The following SHTN1 variants were observed in gnomAD, a reference collection of about 807,000 sequenced individuals.
The protein encoded by SHTN1 is shootin 1.
A neutral mutation model predicts 83.1 loss-of-function variants in SHTN1; 42 were observed. The observed-to-expected ratio is 0.51, with a 90% CI of 0.39 to 0.65. The LOEUF (loss-of-function observed/expected upper bound fraction) is 0.65, where lower values mean the gene tolerates loss of function less well. Ranked by LOEUF, SHTN1 falls within the 30% of genes least tolerant of loss-of-function variation. The probability of loss-of-function intolerance (pLI) is 0.00; values close to 1 mark genes in which losing one functional copy is unlikely to be tolerated. For synonymous variants in SHTN1, 224 were observed against 247.7 expected (o/e 0.90, Z 0.90); for missense variants, 622 against 737.8 (o/e 0.84, Z 1.82).
At chr10:116,906,485 T>C in intron 15 of SHTN1, 142 bp downstream of exon 15, 7 of 730,028 alleles carry the variant, frequency 9.6e-6, no homozygotes, top group Non-Finnish European at 6.2e-6. Flanking sequence ...TAAATATCTT[T>C]ACCCATCCCA....
Position 117,029,278 on chromosome 10 carries a change from G to T in SHTN1, c.-123+19167C>A, listed in dbSNP as rs1852372673. The stretch of plus-strand genomic sequence containing the variant: ...TTTACCTAATGTTTATACCTCCATT[G>T]TATCTTGGAAGAAACTAACTTGTTT... On this transcript the variant is annotated intron_variant, in intron 2 of 17. Coordinates refer to the SHTN1 transcript ENST00000392901. Among the ~76,000 whole-genome samples, 5 of 152,186 alleles carry T rather than the reference G, an allele frequency of 3.3e-5. 1 individual carries two copies. Among genetic ancestry groups the T allele is most frequent in the Admixed American group, 2.6e-4 (4 of 15,284 alleles).
rs1295354168 is a variant in SHTN1 at position 117,081,177 on chromosome 10, T to C, written c.-188-32667A>G. Among the ~76,000 whole-genome samples the C allele has an allele frequency of 4.0e-5, 6 of 149,730 alleles. No individual in the cohort carries two copies. The East Asian group carries it at 1.0e-3, about 25-fold the overall frequency. ...TATGATATTGGCTGTGGGTTTGTCATAGATAGCTCTTATTATTTTGAAATA... is the reference window on the plus strand; with the variant it reads ...TATGATATTGGCTGTGGGTTTGTCACAGATAGCTCTTATTATTTTGAAATA... On this transcript the variant is annotated intron_variant, in intron 1 of 17. Transcript: ENST00000392901.
chr10:117,003,616 T>A (rs1851898370), intron 1 of SHTN1, among the ~76,000 whole-genome samples: 1 of 151,884 alleles, frequency 6.6e-6, no homozygotes, highest in Non-Finnish European at 1.5e-5. Flanking sequence ...GGACAGGACC[T>A]CAGAAAGTCC....
chr10:116,938,885 G>T (rs1169013059), intron 9 of SHTN1, among the ~76,000 whole-genome samples: 1 of 152,224 alleles, frequency 6.6e-6, no homozygotes, highest in Non-Finnish European at 1.5e-5. Flanking sequence ...AATCTAGAGA[G>T]GCAGTCTAGC....
chr10:116,953,930 A>G, intron 5 of SHTN1, 112 bp downstream of exon 5: 2 of 906,570 alleles, frequency 2.2e-6, no homozygotes, highest in African/African-American at 1.7e-5. Flanking sequence ...CGCCCTGCCT[A>G]GGCATCAGTA....
intron 1 of SHTN1, among the ~76,000 whole-genome samples, chr10:117,071,917 G>A (rs544196789): frequency 1.1e-4 from 16 of 152,164 alleles, no homozygotes; most frequent in Non-Finnish European, 2.1e-4. Flanking sequence ...TCAAATTCCT[G>A]TGGTTTTCTT....
intron 8 of SHTN1, among the ~76,000 whole-genome samples, chr10:116,942,364 C>T (rs572556523): frequency 1.4e-4 from 22 of 152,160 alleles, no homozygotes; most frequent in African/African-American, 5.1e-4. Flanking sequence ...AGGTGCCTGC[C>T]ACCATGCCTG....
intron 2 of SHTN1, among the ~76,000 whole-genome samples, chr10:117,043,367 T>C (rs965034305): frequency 1.3e-5 from 2 of 152,088 alleles, no homozygotes; most frequent in African/African-American, 4.8e-5. Flanking sequence ...TATTGTTTAA[T>C]GGGTACAGAT....
chr10:117,017,557 T>C (rs1465052890), intron 2 of SHTN1, among the ~76,000 whole-genome samples: 9 of 150,182 alleles, frequency 6.0e-5, no homozygotes, highest in Non-Finnish European at 1.2e-4. Context: ...ATTAGATAAA[T>C]ATCCATGAGT....
intron 1 of SHTN1, among the ~76,000 whole-genome samples, chr10:117,113,522 A>T (rs1441074628): frequency 6.6e-6 from 1 of 152,080 alleles, no homozygotes; most frequent in Non-Finnish European, 1.5e-5. Context: ...TCAGGATCCA[A>T]AAGGGCTTGC....
intron 1 of SHTN1, among the ~76,000 whole-genome samples, chr10:117,101,559 A>C (rs1297687291): frequency 6.6e-6 from 1 of 152,216 alleles, no homozygotes; most frequent in African/African-American, 2.4e-5. Context: ...ACGAATTCTC[A>C]AGTGAAAGAA....
intron 1 of SHTN1, among the ~76,000 whole-genome samples, chr10:117,085,315 C>G (rs1328393998): frequency 6.6e-6 from 1 of 152,092 alleles, no homozygotes; most frequent in Non-Finnish European, 1.5e-5. Flanking sequence ...TTTTACTGGT[C>G]CCACAAATTT....
Position 117,087,549 on chromosome 10 carries a change from G to A in SHTN1, c.-189+38758C>T, listed in dbSNP as rs573868120. On this transcript the variant is annotated intron_variant, in intron 1 of 17. Transcript: ENST00000392901. ...TTATACACATACAAAAAGGAAAAGT[G>A]GATCTCTATTTCATATCATACATAG... 2.0e-5 allele frequency among the ~76,000 whole-genome samples: 3 copies of A among 152,116 alleles called. No homozygotes were observed. In the South Asian group the frequency reaches 6.2e-4, roughly 32 times the overall value.
chr10:117,026,428 T>C (rs970041542), intron 2 of SHTN1, among the ~76,000 whole-genome samples: 3 of 151,230 alleles, frequency 2.0e-5, no homozygotes, highest in Admixed American at 6.6e-5. Flanking sequence ...GACTTCTTTT[T>C]TTTTTTTTTT....
rs919687740 is a variant in SHTN1, at chr10:116,945,461, T to C, written c.617-443A>G. 3.3e-5 allele frequency among the ~76,000 whole-genome samples: 5 copies of C among 152,162 alleles called. No homozygotes were observed. The East Asian group carries it at 9.6e-4, about 29-fold the overall frequency. On this transcript the variant is annotated intron_variant, in intron 7 of 16. Coordinates refer to ENST00000355371, the MANE Select transcript of SHTN1 (RefSeq NM_001127211.3). ...TCTGTGATGTATTTTTAAAAATAGA[T>C]TGCAAAAATTAGTGCAAAGTGAATT...
chr10:116,935,316 C>A (rs1291991783), intron 9 of SHTN1, among the ~76,000 whole-genome samples: 1 of 152,036 alleles, frequency 6.6e-6, no homozygotes, highest in Non-Finnish European at 1.5e-5. Flanking sequence ...ATAAATAGCT[C>A]TTATTATTTT....
chr10:116,951,977 C>G lies in SHTN1; in HGVS notation c.466G>C (p.Glu156Gln). Residue 156 changes from glutamate to glutamine, a missense_variant, in exon 6 of 17, where the codon GAG becomes CAG. Physicochemically the swap from Glu to Gln is conservative, Grantham distance 29. Around this residue, in one of 3 missense-constraint regions of SHTN1, gnomAD observed 383 missense variants for 455.8 expected, o/e 0.84. Transcript: ENST00000355371. The stretch of plus-strand genomic sequence containing the variant: ...TCAATGGCTAAAATCTTCTTTTCCT[C>G]CTGAACAGATACAATTTGATCTCGA... ...ELRDQIVSVQ[E>Q]EKKILAIELE... 1 of 1,570,818 alleles carries G rather than the reference C, an allele frequency of 6.4e-7. No individual in the cohort carries two copies. The highest frequency in any genetic ancestry group is 8.7e-7 in the Non-Finnish European group (1 of 1,155,436).
intron 1 of SHTN1, 54 bp downstream of exon 1, chr10:117,004,968 C>G: frequency 6.6e-7 from 1 of 1,520,100 alleles, no homozygotes; most frequent in East Asian, 2.4e-5. Flanking sequence ...GCCCTGGGGC[C>G]GTCCCCGCCC....
intron 1 of SHTN1, among the ~76,000 whole-genome samples, chr10:117,065,764 GAAAGAAAGAAAGA>G (rs1852976493): frequency 2.1e-5 from 1 of 47,354 alleles, no homozygotes; most frequent in Non-Finnish European, 3.8e-5. Context: ...AAGAAAGAAA[GAAAGAAAGAAAGA>G]AAGAAAGGAA....
Sources: allele counts gnomAD v4.1 joint callset (sites outside exome capture counted in the v4.1 genomes callset), GRCh38; gene constraint gnomAD v4.1.1; regional missense constraint gnomAD v4.1.1; transcripts MANE v1.5; gene names NCBI Gene and HGNC (gene_info 2026-07-23, HGNC 2026-07-21).